Variants in SETD2 observed in about 807,000 individuals in gnomAD.
SETD2 encodes SET domain containing 2, histone lysine methyltransferase, also known as histone-lysine N-methyltransferase SETD2.
In SETD2, 31 loss-of-function variants were observed where a neutral mutation model predicts 242.1. The observed-to-expected ratio is 0.13, with a 90% CI of 0.10 to 0.17. The LOEUF (loss-of-function observed/expected upper bound fraction) is 0.17. Ranked by LOEUF, SETD2 falls within the 10% of genes least tolerant of loss-of-function variation. SETD2 has a pLI of 1.00. For synonymous variants in SETD2, 1,006 were observed against 1,066.5 expected (o/e 0.94, Z 1.11); for missense variants, 2,481 against 3,046.3 (o/e 0.81, Z 4.37).
chr3:47,088,008 T>A, intron 10 of SETD2, 105 bp downstream of exon 10: 1 of 1,120,488 alleles, frequency 8.9e-7, no homozygotes, highest in South Asian at 1.9e-5. Flanking sequence ...AATAAATAAA[T>A]AAAATAAGAC....
At chr3:47,033,988 C>A (rs908215870) in intron 18 of SETD2, among the ~76,000 whole-genome samples, 8 of 152,172 alleles carry the variant, frequency 5.3e-5, no homozygotes, top group Non-Finnish European at 1.0e-4. Flanking sequence ...CTAGGCTAGT[C>A]TTGAACTCCT....
intron 12 of SETD2, 50 bp downstream of exon 12, chr3:47,083,670 C>A: frequency 6.5e-7 from 1 of 1,533,968 alleles, no homozygotes; most frequent in Non-Finnish European, 8.8e-7. Context: ...GTTTGTAGAA[C>A]TCTAAACCTG....
intron 18 of SETD2, among the ~76,000 whole-genome samples, chr3:47,037,374 G>A (rs1311208411): frequency 4.2e-5 from 6 of 144,122 alleles, no homozygotes; most frequent in African/African-American, 1.0e-4. Flanking sequence ...GAGTGAGAAC[G>A]TGCGGTGTTT....
chr3:47,113,232 C>G lies in SETD2; in HGVS notation c.4715+644G>C, dbSNP rs569393059. Among the ~76,000 whole-genome samples the G allele has an allele frequency of 1.3e-4, 20 of 151,752 alleles. No individual in the cohort carries two copies. In the South Asian group the frequency reaches 4.2e-3, roughly 32 times the overall value. On this transcript the variant is annotated intron_variant, in intron 5 of 20. Coordinates refer to ENST00000409792, the MANE Select transcript of SETD2 (RefSeq NM_014159.7). ...AGTCCTCCCACTTAGCTTCCCATAG[C>G]GCTGAGATTACAAGCATGAGCCACT... is the stretch of plus-strand genomic sequence containing the variant.
intron 1 of SETD2, among the ~76,000 whole-genome samples, chr3:47,148,959 T>A (rs2043923610): frequency 6.6e-6 from 1 of 152,134 alleles, no homozygotes; most frequent in Admixed American, 6.6e-5. Context: ...ATCTGAATGA[T>A]CCCCATATCC....
At chr3:47,114,055 A>G (rs1242005650) in intron 4 of SETD2, 51 bp from the exon 5 acceptor site, 3 of 1,574,642 alleles carry the variant, frequency 1.9e-6, no homozygotes, top group Non-Finnish European at 2.6e-6. Flanking sequence ...CAAAAGAACC[A>G]AAGTAACTTT....
At chr3:47,155,600 G>A (rs563376369) in intron 1 of SETD2, among the ~76,000 whole-genome samples, 1 of 152,224 alleles carries the variant, frequency 6.6e-6, no homozygotes, top group East Asian at 1.9e-4. Context: ...ATCACTTGAG[G>A]TCAGAAAACC....
chr3:47,098,396 T>C (rs1460669064), intron 8 of SETD2: 2 of 197,716 alleles, frequency 1.0e-5, no homozygotes, highest in Non-Finnish European at 2.1e-5. Context: ...AAGAATAAAA[T>C]TGCTTAAATA....
At chr3:47,130,709 TA>T (rs1163440125) in intron 1 of SETD2, among the ~76,000 whole-genome samples, 1 of 152,096 alleles carries the variant, frequency 6.6e-6, no homozygotes, top group Non-Finnish European at 1.5e-5. Flanking sequence ...TGAAAACAAG[TA>T]TTTAACTCCA....
chr3:47,159,704 C>T (rs1241047193), intron 1 of SETD2, among the ~76,000 whole-genome samples: 1 of 152,168 alleles, frequency 6.6e-6, no homozygotes, highest in Non-Finnish European at 1.5e-5. Context: ...CAGCCGAGAG[C>T]AGTGGCTCAC....
Position 47,050,723 on chromosome 3 carries a change from CTTTTT to C in SETD2, c.6964-4107_6964-4103del, listed in dbSNP as rs775259096. Among the ~76,000 whole-genome samples the C allele has an allele frequency of 3.9e-3, 259 of 66,868 alleles. 3 individuals are homozygous for C. The highest frequency in any genetic ancestry group is 0.024 in the East Asian group (45 of 1,902). 43.9% of individuals were successfully genotyped at this position (66,868 alleles called of 152,430 possible). On this transcript the variant is annotated intron_variant, in intron 15 of 20. Transcript: ENST00000409792. The stretch of plus-strand genomic sequence containing the variant: ...CTCAACCTGTATACATTTCCTCTCT[CTTTTT>C]TTTTTTTTTTTTTTTTTTTTGAGAC...
intron 12 of SETD2, among the ~76,000 whole-genome samples, chr3:47,073,579 A>G (rs1011201597): frequency 6.6e-6 from 1 of 152,190 alleles, no homozygotes; most frequent in African/African-American, 2.4e-5. Flanking sequence ...GAATGAAATA[A>G]TTTTGTTTAT....
rs1357325164 is a variant in SETD2, at chr3:47,084,144, C to T, written c.5636G>A (p.Arg1879His). The change falls in exon 12 of 21, where the codon CGC becomes CAC. Residue 1879 changes from arginine (R) to histidine (H), a missense_variant. By Grantham distance (29) the Arg-to-His change is conservative. Transcript: ENST00000409792. ...ATTTTCACTTATAATTTTCAGTCTG[C>T]GAAACATTAGTTTCTTGGGAGTGTC... is the stretch of plus-strand genomic sequence containing the variant. ...DTDTPKKLMF[R>H]RLKIISENSM... The T allele has an allele frequency of 1.9e-6, 3 of 1,614,058 alleles. No individual in the cohort carries two copies. The highest frequency in any genetic ancestry group is 2.5e-6 in the Non-Finnish European group (3 of 1,180,012).
intron 15 of SETD2, among the ~76,000 whole-genome samples, chr3:47,055,201 C>A (rs1211070343): frequency 6.6e-6 from 1 of 152,054 alleles, no homozygotes; most frequent in African/African-American, 2.4e-5. Flanking sequence ...CTTGTCATGG[C>A]CATTTTAACA....
chr3:47,157,873 CAAA>C (rs1249370994), intron 1 of SETD2, among the ~76,000 whole-genome samples: 1 of 116,756 alleles, frequency 8.6e-6, no homozygotes, highest in Admixed American at 9.1e-5. Context: ...AACTCCATCT[CAAA>C]AAAAAAAAAG....
intron 9 of SETD2, among the ~76,000 whole-genome samples, chr3:47,091,093 A>T (rs1180907344): frequency 6.6e-6 from 1 of 152,204 alleles, no homozygotes; most frequent in Non-Finnish European, 1.5e-5. Context: ...ATACCACTTA[A>T]GTTTTTGAGT....
chr3:47,150,015 A>G (rs1450201192), intron 1 of SETD2, among the ~76,000 whole-genome samples: 4 of 147,868 alleles, frequency 2.7e-5, no homozygotes, highest in Non-Finnish European at 5.9e-5. Context: ...GTCTTTTGGC[A>G]TATCCAAAAA....
Position 47,123,125 on chromosome 3 carries a change from A to C in SETD2, c.1511T>G (p.Met504Arg). ...TGAAGAATACTTGCCTCTTCTTTCC[A>C]TCTCTAAGTAAGAGGTCTCAGTTTT... ...DCKTETSYLE[M>R]ERRGKYSSKL... Residue 504 changes from methionine (M) to arginine (R), a missense_variant, in exon 3 of 21, where the codon ATG (methionine) becomes AGG (arginine). By Grantham distance (91) the Met-to-Arg change is moderately conservative (BLOSUM62 -1). Coordinates refer to ENST00000409792, the MANE Select transcript of SETD2 (RefSeq NM_014159.7). 6.2e-7 allele frequency: 1 copy of C among 1,613,514 alleles called. No individual in the cohort carries two copies. The highest frequency in any genetic ancestry group is 8.5e-7 in the Non-Finnish European group (1 of 1,179,544).
In SETD2 at chr3:47,122,926, T is replaced by C; in HGVS notation, c.1710A>G (p.Lys570=). 3 of 1,610,588 alleles carry C rather than the reference T, an allele frequency of 1.9e-6. No homozygotes were observed. The highest frequency in any genetic ancestry group is 3.4e-5 in the Admixed American group (2 of 59,060). The stretch of plus-strand genomic sequence containing the variant: ...TTAATTCTGTACAACAGAAAGAATT[T>C]TTAAATTTATCAGACTTGGGTATAG... ...SKPIPKSDKF[K]NSFCCTELNE... is the part of the protein sequence containing the mutation. The change falls in exon 3 of 21, where the codon AAA becomes AAG. Residue 570 remains lysine (K), a synonymous_variant. Coordinates refer to ENST00000409792, the MANE Select transcript of SETD2 (RefSeq NM_014159.7).
Sources: gnomAD v4.1 joint callset for allele counts (sites outside exome capture counted in the v4.1 genomes callset) on GRCh38, gnomAD v4.1.1 for gene constraint, MANE v1.5 for transcripts, NCBI Gene and HGNC (gene_info 2026-07-23, HGNC 2026-07-21) for gene names.